The following SND1 variants were observed in gnomAD, a reference collection of about 807,000 sequenced individuals.
The protein encoded by SND1 is staphylococcal nuclease and tudor domain containing 1, also known as staphylococcal nuclease domain-containing protein 1.
A neutral mutation model predicts 121.7 loss-of-function variants in SND1; 38 were observed. That is an observed-to-expected ratio of 0.31 (90% CI 0.24 to 0.41). The LOEUF (loss-of-function observed/expected upper bound fraction) is 0.41, where lower values mean the gene tolerates loss of function less well. Ranked by LOEUF, SND1 falls within the 10% of genes least tolerant of loss-of-function variation. The pLI is 1.00. For synonymous variants in SND1, 401 were observed against 447.4 expected (o/e 0.90, Z 1.31); for missense variants, 868 against 1,184.6 (o/e 0.73, Z 3.92).
chr7:127,803,606 A>G (rs1338385485), intron 10 of SND1, among the ~76,000 whole-genome samples: 1 of 152,172 alleles, frequency 6.6e-6, no homozygotes, highest in African/African-American at 2.4e-5. Flanking sequence ...CTCATTTATA[A>G]TAATCCTACA....
chr7:127,958,208 A>T (rs1334856982), intron 15 of SND1, among the ~76,000 whole-genome samples: 2 of 152,204 alleles, frequency 1.3e-5, no homozygotes, highest in Admixed American at 1.3e-4. Flanking sequence ...TTCCCTGTCA[A>T]ATCTCACTGG....
intron 20 of SND1, chr7:128,086,734 T>C: frequency 3.2e-6 from 2 of 615,656 alleles, no homozygotes; most frequent in Non-Finnish European, 5.9e-6. Context: ...GAGCTCCCCA[T>C]CTACTGCTGG....
chr7:127,864,691 A>T (rs1584627273), intron 12 of SND1, among the ~76,000 whole-genome samples: 1 of 152,264 alleles, frequency 6.6e-6, no homozygotes, highest in African/African-American at 2.4e-5. Context: ...AAAGTTTTTA[A>T]TATGATCTAA....
chr7:127,944,099 A>G (rs1452534724), intron 15 of SND1, among the ~76,000 whole-genome samples: 1 of 152,204 alleles, frequency 6.6e-6, no homozygotes, highest in Non-Finnish European at 1.5e-5. Context: ...GCTTGAATGC[A>G]TTTGTGCAGA....
intron 10 of SND1, among the ~76,000 whole-genome samples, chr7:127,735,302 C>G (rs1319742408): frequency 6.6e-6 from 1 of 152,130 alleles, no homozygotes; most frequent in Non-Finnish European, 1.5e-5. Context: ...CACTATCTAC[C>G]AGAAGCTGTA....
intron 15 of SND1, among the ~76,000 whole-genome samples, chr7:127,987,400 C>A (rs1399311979): frequency 6.6e-6 from 1 of 152,202 alleles, no homozygotes; most frequent in African/African-American, 2.4e-5. Flanking sequence ...TCCCTGAGCT[C>A]TTGGGAGAGG....
intron 15 of SND1, among the ~76,000 whole-genome samples, chr7:127,954,933 G>C (rs1022023342): frequency 4.6e-5 from 7 of 152,152 alleles, no homozygotes; most frequent in Non-Finnish European, 8.8e-5. Context: ...CAAGCAGCAG[G>C]TTCTCTTGCT....
chr7:127,951,025 T>G (rs1240706029), intron 15 of SND1, among the ~76,000 whole-genome samples: 2 of 152,124 alleles, frequency 1.3e-5, no homozygotes, highest in African/African-American at 4.8e-5. Flanking sequence ...CAAAAAAAAT[T>G]TAAATATAAT....
chr7:128,049,476 C>G (rs572740885), intron 16 of SND1, among the ~76,000 whole-genome samples: 1 of 152,250 alleles, frequency 6.6e-6, no homozygotes, highest in East Asian at 1.9e-4. Context: ...CCCACCAGTT[C>G]CCCCTCTTCC....
chr7:128,042,505 C>T (rs965793473), intron 16 of SND1: 1 of 152,396 alleles, frequency 6.6e-6, no homozygotes, highest in Non-Finnish European at 1.5e-5. Flanking sequence ...ACAGACCAAC[C>T]AGCCAACAAA....
intron 14 of SND1, among the ~76,000 whole-genome samples, chr7:127,923,231 G>A (rs1031511132): frequency 1.3e-5 from 2 of 152,200 alleles, no homozygotes; most frequent in African/African-American, 2.4e-5. Flanking sequence ...CTCTCAGAGC[G>A]CTAGGATTAC....
At chr7:127,755,559 A>G (rs1467044731) in intron 10 of SND1, among the ~76,000 whole-genome samples, 2 of 152,258 alleles carry the variant, frequency 1.3e-5, no homozygotes, top group Admixed American at 6.5e-5. Context: ...GATGCTGGGC[A>G]GCCATAGGTG....
chr7:127,930,760 A>G (rs1800942581), intron 15 of SND1, among the ~76,000 whole-genome samples: 1 of 152,108 alleles, frequency 6.6e-6, no homozygotes, highest in South Asian at 2.1e-4. Context: ...TATACCCATG[A>G]AGTTTCTTGG....
chr7:127,808,881 C>T (rs1584588743), intron 11 of SND1, among the ~76,000 whole-genome samples: 1 of 152,190 alleles, frequency 6.6e-6, no homozygotes, highest in East Asian at 1.9e-4. Context: ...TTACAGATAG[C>T]CAAGGAATTT....
At chr7:128,030,572 G>A in intron 16 of SND1, 1 of 1,609,040 alleles carries the variant, frequency 6.2e-7, no homozygotes. Context: ...GCGCCGTGAG[G>A]TAGACGAACG....
At chr7:127,806,797 A>G (rs1475819122) in intron 10 of SND1, among the ~76,000 whole-genome samples, 1 of 152,180 alleles carries the variant, frequency 6.6e-6, no homozygotes, top group East Asian at 1.9e-4. Context: ...CATCTCTACT[A>G]AAAATACAAA....
rs1803203077 is a variant in SND1 at position 128,015,304 on chromosome 7, T to C, written c.1779+24248T>C. ...TTCTGGCATATTAATCAGGGTGACA[T>C]GATAAAAAGAATTTATCTGAAACTC... On this transcript the variant is annotated intron_variant, in intron 16 of 23. Coordinates refer to ENST00000354725, the MANE Select transcript of SND1 (RefSeq NM_014390.4). This position sits in a 1 kb window ranked among gnomAD's most constrained non-coding sequence, Gnocchi z 4.5. 6.6e-6 allele frequency among the ~76,000 whole-genome samples: 1 copy of C among 152,206 alleles called. No individual in the cohort carries two copies. The highest frequency in any genetic ancestry group is 1.5e-5 in the Non-Finnish European group (1 of 68,040).
chr7:127,664,164 CG>C (rs1262568849), intron 1 of SND1, among the ~76,000 whole-genome samples: 1 of 152,020 alleles, frequency 6.6e-6, no homozygotes, highest in Non-Finnish European at 1.5e-5. Flanking sequence ...TTTGTAGAGG[CG>C]GGGTCTCTCT....
chr7:128,003,390 G>A (rs1802883312), intron 16 of SND1, among the ~76,000 whole-genome samples: 1 of 152,126 alleles, frequency 6.6e-6, no homozygotes, highest in African/African-American at 2.4e-5. Context: ...TTCCTTTTCA[G>A]CTTAACATAT....
Sources: gnomAD v4.1 joint callset for allele counts (sites outside exome capture counted in the v4.1 genomes callset) on GRCh38, gnomAD v4.1.1 for gene constraint, Gnocchi (gnomAD v3.1) non-coding constraint, MANE v1.5 for transcripts, NCBI Gene and HGNC (gene_info 2026-07-23, HGNC 2026-07-21) for gene names.